The following LRRC7 variants were observed in gnomAD, a reference collection of about 807,000 sequenced individuals.
The protein encoded by LRRC7 is leucine-rich repeat-containing protein 7.
LRRC7 carries 23 observed loss-of-function variants against 175.7 expected under a neutral mutation model. The ratio of observed to expected loss-of-function variants is 0.13; its 90% CI spans 0.09 to 0.19. LRRC7 has a LOEUF of 0.19. Ranked by LOEUF, LRRC7 falls within the 10% of genes least tolerant of loss-of-function variation. The probability of loss-of-function intolerance (pLI) is 1.00; values close to 1 mark genes in which losing one functional copy is unlikely to be tolerated. For missense variants in LRRC7, 1,354 were observed against 1,904.7 expected, an observed-to-expected ratio of 0.71 and a Z score of 5.38; for synonymous variants, 685 against 680.9, an observed-to-expected ratio of 1.01 and a Z score of -0.09.
chr1:70,074,203 C>CAAAA (rs571185317), intron 23 of LRRC7, among the ~76,000 whole-genome samples: 1 of 104,570 alleles, frequency 9.6e-6, no homozygotes, highest in Non-Finnish European at 2.0e-5. Flanking sequence ...ACTCCATTGC[C>CAAAA]AAAAAAAAAA....
intron 2 of LRRC7, among the ~76,000 whole-genome samples, chr1:69,726,256 G>C (rs1417439): frequency 6.6e-6 from 1 of 152,120 alleles, no homozygotes; most frequent in East Asian, 1.9e-4. Context: ...GACTTGAAGG[G>C]CCATTCTATT....
chr1:70,078,810 GCACACACACACACGCA>G (rs1662989081), intron 24 of LRRC7, among the ~76,000 whole-genome samples: 1 of 141,212 alleles, frequency 7.1e-6, no homozygotes, highest in Non-Finnish European at 1.5e-5. Flanking sequence ...GCGCGCGCGC[GCACACACACACACGCA>G]CACACACACA....
rs368485684 is a variant in LRRC7, at chr1:69,906,102, GTTGT to G, written c.648-25398_648-25395del. On this transcript the variant is annotated intron_variant, in intron 7 of 26. Transcript: ENST00000651989. Reference sequence around the variant, plus strand: ...TATCATTCACCCACTTTTTGATGGGGTTGTTTGTTTTTTTCTTGTAAATTTGTGT... The same window carrying G: ...TATCATTCACCCACTTTTTGATGGGGTTGTTTTTTTCTTGTAAATTTGTGT... Among the ~76,000 whole-genome samples the G allele has an allele frequency of 5.3e-4, 80 of 152,256 alleles. 1 individual carries two copies. The East Asian group carries it at 0.014, about 27-fold the overall frequency.
chr1:69,626,198 C>G (rs1400534027), intron 1 of LRRC7, among the ~76,000 whole-genome samples: 3 of 152,066 alleles, frequency 2.0e-5, no homozygotes, highest in Non-Finnish European at 4.4e-5. Context: ...TCAGGAACAT[C>G]TTGCTTGAGG....
At chr1:69,612,039 G>A (rs1648842666) in intron 1 of LRRC7, among the ~76,000 whole-genome samples, 1 of 152,038 alleles carries the variant, frequency 6.6e-6, no homozygotes, top group Admixed American at 6.6e-5. Flanking sequence ...AGGATCGACT[G>A]TAATTTCCTT....
At position 69,943,628 on chromosome 1, in the gene LRRC7, A is replaced by G. The variant is rs567364969; in HGVS notation, c.711+12058A>G. On this transcript the variant is annotated intron_variant, in intron 8 of 26. Coordinates refer to ENST00000651989, the MANE Select transcript of LRRC7 (RefSeq NM_001370785.2). ...CAATGTTTTAAATCTTATAAAATAA[A>G]ACAATCTTACTTTTGCAAATATTCC... Among the ~76,000 whole-genome samples the G allele has an allele frequency of 3.9e-5, 6 of 152,074 alleles. No individual in the cohort carries two copies. The South Asian group carries it at 1.0e-3, about 26-fold the overall frequency.
At position 70,139,040 on chromosome 1, in the gene LRRC7, T is replaced by G. The variant is rs1260737584; in HGVS notation, c.*17153T>G. On this transcript the variant is annotated 3_prime_UTR_variant, in exon 27 of 27. Coordinates refer to ENST00000651989, the MANE Select transcript of LRRC7 (RefSeq NM_001370785.2). Reference sequence around the variant, plus strand: ...AAAGCAATGCTTTATGTAGCTTCAATTAGTCCTGCATCAGGTTATTCTAAT... The same window carrying G: ...AAAGCAATGCTTTATGTAGCTTCAAGTAGTCCTGCATCAGGTTATTCTAAT... 6.6e-6 allele frequency: 1 copy of G among 152,186 alleles called. No homozygotes were observed. The highest frequency in any genetic ancestry group is 1.5e-5 in the Non-Finnish European group (1 of 68,014). 9.4% of individuals were successfully genotyped at this position (152,186 alleles called of 1,614,324 possible).
Position 69,914,964 on chromosome 1 carries a change from A to G in LRRC7, c.648-16543A>G, listed in dbSNP as rs185752218. Reference sequence around the variant, plus strand: ...TAGAGCACATATTTTTCATAAAAACATTCATATTTAAACAATGGTCAAGCC... The same window carrying G: ...TAGAGCACATATTTTTCATAAAAACGTTCATATTTAAACAATGGTCAAGCC... On this transcript the variant is annotated intron_variant, in intron 7 of 26. Coordinates refer to ENST00000651989, the MANE Select transcript of LRRC7 (RefSeq NM_001370785.2). Among the ~76,000 whole-genome samples the G allele has an allele frequency of 2.0e-5, 3 of 152,302 alleles. No homozygotes were observed. In the East Asian group the frequency reaches 5.8e-4, roughly 29 times the overall value.
chr1:69,690,081 C>T (rs192987267), intron 2 of LRRC7, among the ~76,000 whole-genome samples: 11 of 152,228 alleles, frequency 7.2e-5, no homozygotes, highest in Non-Finnish European at 1.0e-4. Context: ...AAAATTACAT[C>T]GTAAGCTCTT....
chr1:69,600,127 C>T (rs1191739098), intron 1 of LRRC7, among the ~76,000 whole-genome samples: 2 of 152,058 alleles, frequency 1.3e-5, no homozygotes, highest in Admixed American at 1.3e-4. Flanking sequence ...AGAAAAATTG[C>T]AAAGATATTA....
At chr1:69,820,107 C>A (rs1461983534) in intron 4 of LRRC7, among the ~76,000 whole-genome samples, 4 of 151,380 alleles carry the variant, frequency 2.6e-5, no homozygotes, top group Non-Finnish European at 5.9e-5. Flanking sequence ...TTTCTTTGTT[C>A]TTTCTTTTTG....
At chr1:69,993,611 C>A (rs1654650305) in intron 10 of LRRC7, among the ~76,000 whole-genome samples, 1 of 152,080 alleles carries the variant, frequency 6.6e-6, no homozygotes, top group Admixed American at 6.6e-5. Flanking sequence ...AGCTCCTAGA[C>A]AAACTATTAA....
chr1:69,737,074 G>C (rs1358022638), intron 2 of LRRC7, among the ~76,000 whole-genome samples: 1 of 152,064 alleles, frequency 6.6e-6, no homozygotes, highest in Non-Finnish European at 1.5e-5. Context: ...TATACTGTAA[G>C]CTACTTAAGA....
At chr1:69,712,326 C>T (rs1664854631) in intron 2 of LRRC7, among the ~76,000 whole-genome samples, 1 of 152,080 alleles carries the variant, frequency 6.6e-6, no homozygotes, top group Admixed American at 6.6e-5. Context: ...AAAAAAGGGC[C>T]AGGTGCAGTG....
chr1:69,768,067 T>A (rs1671818131), intron 3 of LRRC7, among the ~76,000 whole-genome samples: 1 of 152,172 alleles, frequency 6.6e-6, no homozygotes, highest in Non-Finnish European at 1.5e-5. Context: ...TCATTCAATA[T>A]AAAGCAGTCA....
intron 8 of LRRC7, among the ~76,000 whole-genome samples, chr1:69,976,043 T>G (rs1407048368): frequency 6.6e-6 from 1 of 152,186 alleles, no homozygotes; most frequent in Non-Finnish European, 1.5e-5. Flanking sequence ...ACAAATAATA[T>G]TCTACCTGTA....
At chr1:70,006,972 C>A (rs1293714054) in intron 11 of LRRC7, among the ~76,000 whole-genome samples, 1 of 152,150 alleles carries the variant, frequency 6.6e-6, no homozygotes, top group Non-Finnish European at 1.5e-5. Context: ...GCCACCTGCC[C>A]AGCATTTCTG....
intron 2 of LRRC7, among the ~76,000 whole-genome samples, chr1:69,713,340 A>G (rs556530258): frequency 6.6e-6 from 1 of 151,824 alleles, no homozygotes; most frequent in Non-Finnish European, 1.5e-5. Context: ...ATGTATATAT[A>G]TATATTTAGA....
At chr1:69,763,067 C>T (rs1253150709) in intron 3 of LRRC7, among the ~76,000 whole-genome samples, 2 of 151,726 alleles carry the variant, frequency 1.3e-5, no homozygotes. Flanking sequence ...TGTATTTGTG[C>T]ATTATAGGAA....
Sources: allele counts gnomAD v4.1 joint callset (sites outside exome capture counted in the v4.1 genomes callset), GRCh38; gene constraint gnomAD v4.1.1; transcripts MANE v1.5; gene names NCBI Gene and HGNC (gene_info 2026-07-23, HGNC 2026-07-21).